Variants in INPP5A observed in about 807,000 individuals in gnomAD.
INPP5A encodes inositol polyphosphate-5-phosphatase A, also known as 43 kDa inositol polyphosphate 5-phophatase.
Under a neutral mutation model 65.2 loss-of-function variants are expected in INPP5A, and 14 were observed. That is an observed-to-expected ratio of 0.21 (90% CI 0.14 to 0.34). The LOEUF (loss-of-function observed/expected upper bound fraction) is 0.34, where lower values mean the gene tolerates loss of function less well. INPP5A is among the 10% of genes least tolerant of loss of function. The pLI is 1.00. For synonymous variants in INPP5A, 207 were observed against 208.3 expected, an observed-to-expected ratio of 0.99 and a Z score of 0.05; for missense variants, 431 against 545.6, an observed-to-expected ratio of 0.79 and a Z score of 2.09.
At chr10:132,756,256 C>G (rs952465086) in intron 11 of INPP5A, among the ~76,000 whole-genome samples, 1 of 151,870 alleles carries the variant, frequency 6.6e-6, no homozygotes, top group Non-Finnish European at 1.5e-5. Flanking sequence ...TGTGTGCACT[C>G]ACGTGTGTGG....
At chr10:132,726,521 C>T (rs1003850355) in intron 8 of INPP5A, among the ~76,000 whole-genome samples, 6 of 152,258 alleles carry the variant, frequency 3.9e-5, no homozygotes, top group East Asian at 1.9e-4. Context: ...GAGGCTCTCA[C>T]GCTGCCCTGG....
At chr10:132,636,572 C>T (rs554564291) in intron 2 of INPP5A, among the ~76,000 whole-genome samples, 21 of 152,342 alleles carry the variant, frequency 1.4e-4, no homozygotes, top group South Asian at 1.2e-3. Flanking sequence ...AGGTTGTGGA[C>T]GCACAGCCAC....
At chr10:132,722,408 T>G (rs1208246753) in intron 8 of INPP5A, among the ~76,000 whole-genome samples, 1 of 152,200 alleles carries the variant, frequency 6.6e-6, no homozygotes, top group African/African-American at 2.4e-5. Flanking sequence ...GAAAAAAAAC[T>G]AGCCCCATTC....
intron 2 of INPP5A, among the ~76,000 whole-genome samples, chr10:132,630,546 T>C (rs4880269): frequency 5.3e-5 from 6 of 113,408 alleles, no homozygotes; most frequent in Middle Eastern, 5.8e-3. Flanking sequence ...GAGGGAAAGA[T>C]GTCCATGAGG....
chr10:132,721,120 T>G (rs1845868138), intron 8 of INPP5A, among the ~76,000 whole-genome samples: 1 of 150,882 alleles, frequency 6.6e-6, no homozygotes, highest in Admixed American at 6.6e-5. Flanking sequence ...GACGACTGTC[T>G]TCAGGGTTCT....
At position 132,550,393 on chromosome 10, in the gene INPP5A, T is replaced by A. The variant is rs981227098; in HGVS notation, c.75+12222T>A. ...TGGTTTTTGGGAGTCCAGGTGCAGG[T>A]CTCAGCAGCAACTCTGAGGTTCTGC... On this transcript the variant is annotated intron_variant, in intron 1 of 15. Coordinates refer to ENST00000368594, the MANE Select transcript of INPP5A (RefSeq NM_005539.5). The surrounding 1 kb of genome is among the most constrained non-coding windows in gnomAD (Gnocchi z 4.2). 2.6e-5 allele frequency among the ~76,000 whole-genome samples: 4 copies of A among 152,120 alleles called. No homozygotes were observed. Among genetic ancestry groups the A allele is most frequent in the Non-Finnish European group, 5.9e-5 (4 of 68,020 alleles).
intron 1 of INPP5A, among the ~76,000 whole-genome samples, chr10:132,569,187 C>T (rs1006871580): frequency 1.6e-4 from 24 of 152,138 alleles, no homozygotes; most frequent in African/African-American, 5.3e-4. Context: ...TCTCACCATA[C>T]AGCAGAGAGT....
In INPP5A at chr10:132,547,511, T is replaced by C. The variant is rs1437321123; in HGVS notation, c.75+9340T>C. 6.6e-6 allele frequency among the ~76,000 whole-genome samples: 1 copy of C among 151,510 alleles called. No individual in the cohort carries two copies. The highest frequency in any genetic ancestry group is 1.9e-4 in the East Asian group (1 of 5,150). On this transcript the variant is annotated intron_variant, in intron 1 of 15. Transcript: ENST00000368594. This position sits in a 1 kb window ranked among gnomAD's most constrained non-coding sequence, Gnocchi z 5.5. ...CGTGGTGAATATAACCGGGAGGGAG[T>C]GCCCGCCTCTGCCCACCTGCCTGGC... is the stretch of plus-strand genomic sequence containing the variant.
chr10:132,584,632 T>C (rs1385711236), intron 1 of INPP5A, among the ~76,000 whole-genome samples: 3 of 152,214 alleles, frequency 2.0e-5, no homozygotes, highest in Admixed American at 2.0e-4. Flanking sequence ...TAGTGGTAAT[T>C]TGTGTCTTTT....
chr10:132,543,441 G>A (rs1026669913), intron 1 of INPP5A, among the ~76,000 whole-genome samples: 2 of 152,140 alleles, frequency 1.3e-5, no homozygotes, highest in Non-Finnish European at 1.5e-5. Flanking sequence ...TTACAGAGAC[G>A]GGGTCTTGCT....
chr10:132,628,398 G>A (rs773120217), intron 2 of INPP5A, among the ~76,000 whole-genome samples: 4 of 145,756 alleles, frequency 2.7e-5, no homozygotes, highest in Non-Finnish European at 5.9e-5. Context: ...ACTAACTGCT[G>A]TGAGGGCCTG....
chr10:132,713,163 C>T (rs558591205), intron 8 of INPP5A, among the ~76,000 whole-genome samples: 30 of 148,294 alleles, frequency 2.0e-4, no homozygotes, highest in African/African-American at 6.5e-4. Context: ...TGTGTGTGTG[C>T]GGGTGTGTGT....
Position 132,560,829 on chromosome 10 carries a change from A to G in INPP5A, c.75+22658A>G, listed in dbSNP as rs1016394175. Among the ~76,000 whole-genome samples, 19 of 152,094 alleles carry G rather than the reference A, an allele frequency of 1.2e-4. 1 individual carries two copies. The highest frequency in any genetic ancestry group is 4.3e-4 in the African/African-American group (18 of 41,414). On this transcript the variant is annotated intron_variant, in intron 1 of 15. Transcript: ENST00000368594. ...TCTTGCTATGCTGTAGTCTGGTATC[A>G]AACTGTAGGCCTCAAGCAGTCCTCC...
intron 12 of INPP5A, among the ~76,000 whole-genome samples, chr10:132,775,123 A>AGG (rs1847034146): frequency 1.9e-5 from 1 of 51,336 alleles, no homozygotes; most frequent in Non-Finnish European, 3.6e-5. Flanking sequence ...AGGGGCAGGG[A>AGG]GGAGGGGCAG....
intron 9 of INPP5A, among the ~76,000 whole-genome samples, chr10:132,749,119 C>T (rs537617904): frequency 1.3e-5 from 2 of 152,374 alleles, no homozygotes; most frequent in African/African-American, 2.4e-5. Flanking sequence ...GAACAGCTCT[C>T]GAGGGAGTTC....
At chr10:132,667,014 A>G (rs904500163) in intron 4 of INPP5A, among the ~76,000 whole-genome samples, 2 of 152,210 alleles carry the variant, frequency 1.3e-5, no homozygotes, top group African/African-American at 4.8e-5. Context: ...GGACAAAAAA[A>G]TGGCAGGGTC....
chr10:132,776,220 G>A (rs1416243492), intron 12 of INPP5A, among the ~76,000 whole-genome samples: 1 of 152,190 alleles, frequency 6.6e-6, no homozygotes, highest in Non-Finnish European at 1.5e-5. Context: ...TGCATGACAC[G>A]CAGGCCCTGC....
rs202149793 is a variant in INPP5A at position 132,620,648 on chromosome 10, CT to C, written c.117+12702del. On this transcript the variant is annotated intron_variant, in intron 2 of 15. Coordinates refer to ENST00000368594, the MANE Select transcript of INPP5A (RefSeq NM_005539.5). The stretch of plus-strand genomic sequence containing the variant: ...AACTTGAAATTTTATATGAAAGAAA[CT>C]TTTTTTTTTGAAAAACAAAAGTATC... Among the ~76,000 whole-genome samples the C allele has an allele frequency of 8.0e-4, 120 of 150,044 alleles. No individual in the cohort carries two copies. In the East Asian group the frequency reaches 0.014, roughly 18 times the overall value.
intron 1 of INPP5A, among the ~76,000 whole-genome samples, chr10:132,599,030 T>C (rs2071744859): frequency 6.6e-6 from 1 of 152,196 alleles, no homozygotes; most frequent in Admixed American, 6.5e-5. Context: ...ACAATTCAAG[T>C]GAGATTTGGG....
Sources: gnomAD v4.1 joint callset for allele counts (sites outside exome capture counted in the v4.1 genomes callset) on GRCh38, gnomAD v4.1.1 for gene constraint, Gnocchi (gnomAD v3.1) non-coding constraint, MANE v1.5 for transcripts, NCBI Gene and HGNC (gene_info 2026-07-23, HGNC 2026-07-21) for gene names.